ZFPM2: variants seen among roughly 807,000 people sequenced by gnomAD.
ZFPM2 encodes the protein zinc finger protein ZFPM2.
In ZFPM2, 20 loss-of-function variants were observed where a neutral mutation model predicts 98.6. That is an observed-to-expected ratio of 0.20 (90% confidence interval 0.14 to 0.29). ZFPM2 has a LOEUF of 0.29. Among genes scored for constraint, ZFPM2 ranks in the 10% least tolerant of loss-of-function variants. The pLI, the probability that ZFPM2 is intolerant of heterozygous loss-of-function variation, is 1.00. For missense variants in ZFPM2, 1,310 were observed against 1,388.6 expected, an observed-to-expected ratio of 0.94 and a Z score of 0.90; for synonymous variants, 518 against 502.7, an observed-to-expected ratio of 1.03 and a Z score of -0.41.
At chr8:105,722,220 G>T (rs1811684760) in intron 5 of ZFPM2, among the ~76,000 whole-genome samples, 1 of 151,524 alleles carries the variant, frequency 6.6e-6, no homozygotes, top group African/African-American at 2.4e-5. Context: ...TCCCCACCCT[G>T]CTTCCTGCTT....
rs186832018 is a variant in ZFPM2 at position 105,331,267 on chromosome 8, G to A, written c.40+12286G>A. On this transcript the variant is annotated intron_variant, in intron 1 of 7. Coordinates refer to ENST00000407775, the MANE Select transcript of ZFPM2 (RefSeq NM_012082.4). ...ATGGAAAAAAAGAATCAGGGAGCTG[G>A]CCAGCTAGACTGCAATTCTATGATT... Among the ~76,000 whole-genome samples, 4 of 151,458 alleles carry A rather than the reference G, an allele frequency of 2.6e-5. No individual in the cohort carries two copies. In the Admixed American group the frequency reaches 2.6e-4, roughly 10 times the overall value.
intron 5 of ZFPM2, among the ~76,000 whole-genome samples, chr8:105,684,477 G>C (rs1274217594): frequency 6.6e-6 from 1 of 152,038 alleles, no homozygotes; most frequent in Non-Finnish European, 1.5e-5. Flanking sequence ...ATGGGGAAAA[G>C]GTGGCAGGGA....
intron 3 of ZFPM2, among the ~76,000 whole-genome samples, chr8:105,534,078 CCCA>C (rs1563704502): frequency 2.0e-4 from 6 of 29,936 alleles, no homozygotes; most frequent in African/African-American, 4.1e-4. Context: ...CTTCCTCCCT[CCCA>C]TCTTCCTCCC....
intron 1 of ZFPM2, among the ~76,000 whole-genome samples, chr8:105,405,995 CATT>C (rs1283035420): frequency 6.6e-6 from 1 of 152,102 alleles, no homozygotes; most frequent in Non-Finnish European, 1.5e-5. Context: ...GATGGTATCT[CATT>C]GTGGTTTTGA....
At chr8:105,730,680 A>G (rs576905269) in intron 5 of ZFPM2, among the ~76,000 whole-genome samples, 2 of 151,672 alleles carry the variant, frequency 1.3e-5, no homozygotes, top group Non-Finnish European at 3.0e-5. Flanking sequence ...GGCATATTTT[A>G]ATACACACAG....
intron 3 of ZFPM2, among the ~76,000 whole-genome samples, chr8:105,533,439 G>A (rs1181338658): frequency 6.6e-6 from 1 of 151,886 alleles, no homozygotes; most frequent in Non-Finnish European, 1.5e-5. Flanking sequence ...TGACTTCTTG[G>A]GCAATCTTCA....
intron 3 of ZFPM2, among the ~76,000 whole-genome samples, chr8:105,496,403 G>A (rs1419020945): frequency 6.6e-6 from 1 of 151,970 alleles, no homozygotes; most frequent in African/African-American, 2.4e-5. Context: ...TTTGGAGAGT[G>A]GTACTCAAAT....
In ZFPM2 at chr8:105,649,108, T is replaced by G. The variant is rs6999521; in HGVS notation, c.532+14751T>G. Among the ~76,000 whole-genome samples, 973 of 152,210 alleles carry G rather than the reference T, an allele frequency of 6.4e-3. 7 individuals are homozygous for G. The highest frequency in any genetic ancestry group is 0.021 in the African/African-American group (890 of 41,554). On this transcript the variant is annotated intron_variant, in intron 5 of 7. Coordinates refer to ENST00000407775, the MANE Select transcript of ZFPM2 (RefSeq NM_012082.4). ...AGGTCCTTCACATCCCTTGTAAGTT[T>G]GATTCCTAGGTATTTTGTTCTCTTT...
chr8:105,393,337 C>CTTTCTTT (rs1554600680), intron 1 of ZFPM2, among the ~76,000 whole-genome samples: 2,539 of 114,780 alleles, frequency 0.022, 60 homozygotes, highest in Middle Eastern at 0.042. Context: ...TCTCTCTTTG[C>CTTTCTTT]CTTTCTTTCT....
chr8:105,579,805 C>G (rs1441048917), intron 4 of ZFPM2, among the ~76,000 whole-genome samples: 1 of 151,972 alleles, frequency 6.6e-6, no homozygotes, highest in Non-Finnish European at 1.5e-5. Flanking sequence ...TTTTTTTCAG[C>G]GTGGTAGTTC....
At chr8:105,570,439 G>A (rs1033090404) in intron 4 of ZFPM2, among the ~76,000 whole-genome samples, 14 of 152,118 alleles carry the variant, frequency 9.2e-5, no homozygotes, top group African/African-American at 2.2e-4. Flanking sequence ...ATTAAACACC[G>A]AAGAATTATT....
chr8:105,462,178 C>T (rs1375051098), intron 3 of ZFPM2, among the ~76,000 whole-genome samples: 4 of 152,072 alleles, frequency 2.6e-5, no homozygotes, highest in Admixed American at 2.0e-4. Context: ...ATGTATGTGT[C>T]TTCATCCTGG....
intron 5 of ZFPM2, among the ~76,000 whole-genome samples, chr8:105,760,288 T>C (rs1241657590): frequency 6.6e-6 from 1 of 152,020 alleles, no homozygotes; most frequent in African/African-American, 2.4e-5. Flanking sequence ...TTGTATCTTT[T>C]AGAGCCTTGG....
chr8:105,778,647 G>C (rs755010757), intron 5 of ZFPM2, among the ~76,000 whole-genome samples: 7 of 152,110 alleles, frequency 4.6e-5, no homozygotes, highest in Non-Finnish European at 8.8e-5. Context: ...GTCATCAGTT[G>C]ACCATCTTTT....
At chr8:105,689,576 C>G (rs542777303) in intron 5 of ZFPM2, among the ~76,000 whole-genome samples, 154 of 152,240 alleles carry the variant, frequency 1.0e-3, no homozygotes, top group Non-Finnish European at 1.7e-3. Context: ...CAATCACACT[C>G]TGTCATTATT....
In ZFPM2 at chr8:105,803,747, C is replaced by G; in HGVS notation, c.*209C>G. ...TTTCAAAAAAATTAATTTATTTTAC[C>G]AGCAGTATTCATAGCTGTGGTTATG... On this transcript the variant is annotated 3_prime_UTR_variant, in exon 8 of 8. Transcript: ENST00000407775. 5.5e-6 allele frequency: 3 copies of G among 548,522 alleles called. No individual in the cohort carries two copies. In the South Asian group the frequency reaches 7.2e-5, roughly 13 times the overall value. The allele number at this position is 548,522 out of a possible 1,614,324, so 34.0% of individuals were successfully genotyped here. A position where few individuals can be genotyped will look rare whatever the true frequency, so the allele number is the denominator to read the frequency against.
chr8:105,744,752 A>C (rs1289738404), intron 5 of ZFPM2, among the ~76,000 whole-genome samples: 2 of 152,078 alleles, frequency 1.3e-5, no homozygotes, highest in Non-Finnish European at 1.5e-5. Context: ...AGCATGTGCA[A>C]AAGGCCTGTG....
intron 1 of ZFPM2, among the ~76,000 whole-genome samples, chr8:105,368,196 T>C (rs1463360111): frequency 1.4e-5 from 2 of 147,654 alleles, no homozygotes; most frequent in African/African-American, 5.0e-5. Context: ...TCTTTTTTGG[T>C]TGTGTCTCTG....
At chr8:105,525,275 C>T (rs1586435870) in intron 3 of ZFPM2, among the ~76,000 whole-genome samples, 1 of 152,172 alleles carries the variant, frequency 6.6e-6, no homozygotes, top group Non-Finnish European at 1.5e-5. Context: ...CTGTTGCCAT[C>T]GGCACAGTTA....
Sources: allele counts gnomAD v4.1 joint callset (sites outside exome capture counted in the v4.1 genomes callset), GRCh38; gene constraint gnomAD v4.1.1; transcripts MANE v1.5; gene names NCBI Gene and HGNC (gene_info 2026-07-23, HGNC 2026-07-21).